The following MLLT3 variants were observed in gnomAD, a reference collection of about 807,000 sequenced individuals.
MLLT3 encodes the protein MLLT3 super elongation complex subunit.
In MLLT3, 4 loss-of-function variants were observed where a neutral mutation model predicts 53.2. That is an observed-to-expected ratio of 0.08 (90% CI 0.04 to 0.17). MLLT3 has a LOEUF of 0.17. Among genes scored for constraint, MLLT3 ranks in the 10% least tolerant of loss-of-function variants. The pLI is 1.00. For missense variants in MLLT3, 569 were observed against 684.0 expected (o/e 0.83, Z 1.87); for synonymous variants, 283 against 230.6 (o/e 1.23, Z -2.06).
chr9:20,569,086 C>T (rs2131161605), intron 2 of MLLT3, among the ~76,000 whole-genome samples: 1 of 152,192 alleles, frequency 6.6e-6, no homozygotes, highest in East Asian at 1.9e-4. Context: ...ACACTTACAC[C>T]CCTCCTGTCC....
chr9:20,581,322 G>C (rs767922061), intron 2 of MLLT3, among the ~76,000 whole-genome samples: 22 of 152,048 alleles, frequency 1.4e-4, no homozygotes, highest in Non-Finnish European at 2.9e-5. Flanking sequence ...AAATTAAAGA[G>C]GTGTTAAACA....
chr9:20,381,890 A>C (rs886977701), intron 5 of MLLT3, among the ~76,000 whole-genome samples: 1 of 151,910 alleles, frequency 6.6e-6, no homozygotes, highest in African/African-American at 2.4e-5. Flanking sequence ...AGATTAGTAA[A>C]ATAATTAGAG....
intron 2 of MLLT3, among the ~76,000 whole-genome samples, chr9:20,618,478 T>C (rs1820894563): frequency 6.6e-6 from 1 of 152,234 alleles, no homozygotes; most frequent in African/African-American, 2.4e-5. Context: ...TCCTGGGTGA[T>C]GTAAGCTGGC....
chr9:20,598,683 G>A (rs1820337883), intron 2 of MLLT3, among the ~76,000 whole-genome samples: 1 of 152,152 alleles, frequency 6.6e-6, no homozygotes, highest in Non-Finnish European at 1.5e-5. Context: ...ATCCATCTAA[G>A]TTTTAGCTAA....
intron 2 of MLLT3, among the ~76,000 whole-genome samples, chr9:20,585,069 G>T (rs1287361367): frequency 1.3e-5 from 2 of 152,110 alleles, no homozygotes; most frequent in Non-Finnish European, 1.5e-5. Flanking sequence ...ATCTGTTCAG[G>T]TTGCCTTAAC....
rs544808799 is a variant in MLLT3, at chr9:20,392,464, G to A, written c.1125+21257C>T. The stretch of plus-strand genomic sequence containing the variant: ...GCTGACAATCTACTAAAATCCCCAA[G>A]ATCCTCCTCATCTCCATATAAACTG... On this transcript the variant is annotated intron_variant, in intron 5 of 10. Transcript: ENST00000380338. Among the ~76,000 whole-genome samples, 12 of 152,182 alleles carry A rather than the reference G, an allele frequency of 7.9e-5. No individual in the cohort carries two copies. In the South Asian group the frequency reaches 1.7e-3, roughly 21 times the overall value.
chr9:20,357,421 C>T (rs1248688586), intron 8 of MLLT3, among the ~76,000 whole-genome samples: 1 of 152,198 alleles, frequency 6.6e-6, no homozygotes, highest in Non-Finnish European at 1.5e-5. Flanking sequence ...CCTAGACTGC[C>T]TAGCTACTCC....
intron 2 of MLLT3, among the ~76,000 whole-genome samples, chr9:20,476,880 T>C (rs1277655637): frequency 2.6e-5 from 4 of 152,174 alleles, no homozygotes; most frequent in African/African-American, 9.6e-5. Context: ...TTTATATCAA[T>C]AACCATAGCA....
intron 2 of MLLT3, among the ~76,000 whole-genome samples, chr9:20,460,403 T>G (rs1044895595): frequency 6.6e-6 from 1 of 152,238 alleles, no homozygotes. Flanking sequence ...ACTTTTTAAA[T>G]TCTCATGTTC....
chr9:20,438,040 C>G (rs563083457), intron 4 of MLLT3, among the ~76,000 whole-genome samples: 1 of 152,104 alleles, frequency 6.6e-6, no homozygotes, highest in Non-Finnish European at 1.5e-5. Flanking sequence ...TTATAGATAT[C>G]TATGAATGCT....
intron 2 of MLLT3, among the ~76,000 whole-genome samples, chr9:20,525,967 A>G (rs1361162241): frequency 3.3e-5 from 5 of 152,230 alleles, no homozygotes; most frequent in Non-Finnish European, 5.9e-5. Context: ...TATCACTAAG[A>G]AAGGCTTGGA....
At chr9:20,608,583 G>A (rs947932985) in intron 2 of MLLT3, among the ~76,000 whole-genome samples, 3 of 151,468 alleles carry the variant, frequency 2.0e-5, no homozygotes, top group African/African-American at 2.4e-5. Flanking sequence ...TAAAGCTTAC[G>A]ATCAACTTAT....
At chr9:20,506,960 C>T (rs1426397879) in intron 2 of MLLT3, among the ~76,000 whole-genome samples, 1 of 152,166 alleles carries the variant, frequency 6.6e-6, no homozygotes, top group African/African-American at 2.4e-5. Flanking sequence ...CACTTAAAAA[C>T]GAATCTTTCT....
At chr9:20,386,758 C>T (rs575990775) in intron 5 of MLLT3, among the ~76,000 whole-genome samples, 57 of 152,244 alleles carry the variant, frequency 3.7e-4, no homozygotes, top group African/African-American at 1.4e-3. Context: ...TTAGTATTGG[C>T]CAGTCTGCTC....
intron 5 of MLLT3, among the ~76,000 whole-genome samples, chr9:20,397,840 T>C (rs1245899133): frequency 6.6e-6 from 1 of 152,096 alleles, no homozygotes. Flanking sequence ...TAATGGCTCT[T>C]TTAAAACCAC....
At chr9:20,420,566 T>C (rs1195318530) in intron 4 of MLLT3, among the ~76,000 whole-genome samples, 8 of 152,182 alleles carry the variant, frequency 5.3e-5, no homozygotes, top group Non-Finnish European at 8.8e-5. Flanking sequence ...TAAAAATACT[T>C]AGTTAAATGA....
rs539760567 is a variant in MLLT3, at chr9:20,490,300, CAT to C, written c.194-33516_194-33515del. Among the ~76,000 whole-genome samples, 1,319 of 152,352 alleles carry C rather than the reference CAT, an allele frequency of 8.7e-3. 7 individuals carry two copies. The highest frequency in any genetic ancestry group is 0.014 in the Non-Finnish European group (956 of 68,032). On this transcript the variant is annotated intron_variant, in intron 2 of 10. Coordinates refer to ENST00000380338, the MANE Select transcript of MLLT3 (RefSeq NM_004529.4). The stretch of plus-strand genomic sequence containing the variant: ...TATCCAGATGGTCCTAATCTAACCA[CAT>C]GAGACTTTAAAAGTGAAGAACTTTC...
intron 2 of MLLT3, among the ~76,000 whole-genome samples, chr9:20,552,224 A>T (rs1818943040): frequency 6.6e-6 from 1 of 152,190 alleles, no homozygotes; most frequent in Non-Finnish European, 1.5e-5. Context: ...TTACACTCAC[A>T]TCAGAGCCTT....
chr9:20,519,141 A>C (rs1199300346), intron 2 of MLLT3, among the ~76,000 whole-genome samples: 1 of 152,240 alleles, frequency 6.6e-6, no homozygotes, highest in African/African-American at 2.4e-5. Context: ...TGCTAAATAC[A>C]ATCAATGTGG....
Sources: allele counts gnomAD v4.1 joint callset (sites outside exome capture counted in the v4.1 genomes callset), GRCh38; gene constraint gnomAD v4.1.1; transcripts MANE v1.5; gene names NCBI Gene and HGNC (gene_info 2026-07-23, HGNC 2026-07-21).